Variants in SLC25A21 observed in about 807,000 individuals in gnomAD.
The protein encoded by SLC25A21 is solute carrier family 25 member 21.
In SLC25A21, 47 loss-of-function variants were observed where a neutral mutation model predicts 43.8. The observed-to-expected ratio is 1.07, with a 90% CI of 0.85 to 1.37. The LOEUF is 1.37. SLC25A21 is among the 40% of genes most tolerant of loss of function. The pLI, the probability that SLC25A21 is intolerant of heterozygous loss-of-function variation, is 0.00. For missense variants in SLC25A21, 352 were observed against 350.2 expected, an observed-to-expected ratio of 1.00 and a Z score of -0.04; for synonymous variants, 131 against 121.3, an observed-to-expected ratio of 1.08 and a Z score of -0.52.
intron 1 of SLC25A21, among the ~76,000 whole-genome samples, chr14:37,119,762 GA>G (rs1159426334): frequency 1.3e-5 from 2 of 152,004 alleles, no homozygotes; most frequent in East Asian, 3.9e-4. Context: ...GTCTGGATGG[GA>G]ACCCCTTTCT....
intron 1 of SLC25A21, among the ~76,000 whole-genome samples, chr14:37,049,243 A>G (rs1961654233): frequency 6.6e-6 from 1 of 152,208 alleles, no homozygotes; most frequent in Admixed American, 6.5e-5. Context: ...CACCAAAAAC[A>G]TAAAATAAAA....
chr14:37,112,805 G>A (rs1963042350), intron 1 of SLC25A21, among the ~76,000 whole-genome samples: 1 of 152,138 alleles, frequency 6.6e-6, no homozygotes, highest in Non-Finnish European at 1.5e-5. Context: ...AAAAACAGAA[G>A]TAACATGAAT....
At chr14:37,047,931 T>C (rs1167469458) in intron 1 of SLC25A21, among the ~76,000 whole-genome samples, 1 of 152,188 alleles carries the variant, frequency 6.6e-6, no homozygotes, top group Non-Finnish European at 1.5e-5. Flanking sequence ...ATACCACTCA[T>C]AAAAGGAATC....
chr14:36,692,539 C>G (rs577323476), intron 7 of SLC25A21, among the ~76,000 whole-genome samples: 2 of 152,312 alleles, frequency 1.3e-5, no homozygotes, highest in South Asian at 4.1e-4. Context: ...CACCTGGCTT[C>G]GTTAGCTGGC....
intron 2 of SLC25A21, among the ~76,000 whole-genome samples, chr14:36,816,671 T>A (rs1419927970): frequency 6.6e-6 from 1 of 151,954 alleles, no homozygotes; most frequent in African/African-American, 2.4e-5. Flanking sequence ...AGCTAATTTT[T>A]AAAATTTTTT....
intron 1 of SLC25A21, among the ~76,000 whole-genome samples, chr14:37,095,087 TTAAAA>T (rs1175465949): frequency 6.6e-6 from 1 of 152,222 alleles, no homozygotes; most frequent in Non-Finnish European, 1.5e-5. Flanking sequence ...TTTTTATCAA[TTAAAA>T]TAAATAAATA....
intron 1 of SLC25A21, among the ~76,000 whole-genome samples, chr14:36,951,567 T>C (rs1210558256): frequency 1.3e-5 from 2 of 152,116 alleles, no homozygotes; most frequent in Non-Finnish European, 2.9e-5. Context: ...AAAGTCCTTA[T>C]GTCTAAATAT....
chr14:36,971,448 G>C (rs1268364100), intron 1 of SLC25A21, among the ~76,000 whole-genome samples: 5 of 152,104 alleles, frequency 3.3e-5, no homozygotes, highest in Admixed American at 1.3e-4. Context: ...CAAGTAGAAA[G>C]CCCATTTGCA....
intron 1 of SLC25A21, among the ~76,000 whole-genome samples, chr14:37,007,147 C>G (rs545565393): frequency 1.3e-5 from 2 of 152,198 alleles, no homozygotes; most frequent in South Asian, 4.1e-4. Flanking sequence ...TACAAATGAT[C>G]TGTTACAGAG....
At chr14:36,898,320 G>C (rs1490180308) in intron 1 of SLC25A21, among the ~76,000 whole-genome samples, 1 of 152,206 alleles carries the variant, frequency 6.6e-6, no homozygotes, top group Non-Finnish European at 1.5e-5. Context: ...TGTGGGCGTA[G>C]GACCCTCCGA....
chr14:36,812,849 C>A (rs1469714523), intron 3 of SLC25A21, among the ~76,000 whole-genome samples: 1 of 152,120 alleles, frequency 6.6e-6, no homozygotes, highest in Non-Finnish European at 1.5e-5. Flanking sequence ...GTGAAACTTA[C>A]TAACTTCTCT....
chr14:36,748,859 C>A (rs1885598692), intron 3 of SLC25A21, among the ~76,000 whole-genome samples: 1 of 152,188 alleles, frequency 6.6e-6, no homozygotes, highest in African/African-American at 2.4e-5. Flanking sequence ...CAGATTCTCC[C>A]TCCACAGACT....
intron 1 of SLC25A21, among the ~76,000 whole-genome samples, chr14:37,129,923 T>A (rs1963363828): frequency 6.6e-6 from 1 of 152,106 alleles, no homozygotes; most frequent in South Asian, 2.1e-4. Context: ...ATTATTTGAA[T>A]AATTTTTCTC....
At chr14:37,049,499 G>C (rs1353760516) in intron 1 of SLC25A21, among the ~76,000 whole-genome samples, 1 of 152,162 alleles carries the variant, frequency 6.6e-6, no homozygotes, top group East Asian at 1.9e-4. Context: ...TTGAGCCCAG[G>C]GGGTCGAGGC....
chr14:36,813,194 C>T (rs542303574), intron 3 of SLC25A21, among the ~76,000 whole-genome samples: 1 of 152,238 alleles, frequency 6.6e-6, no homozygotes, highest in Non-Finnish European at 1.5e-5. Flanking sequence ...AGGTATTTCT[C>T]CTAATGCTAT....
intron 1 of SLC25A21, among the ~76,000 whole-genome samples, chr14:37,023,238 G>T (rs1322590451): frequency 1.3e-5 from 2 of 151,958 alleles, no homozygotes; most frequent in Non-Finnish European, 2.9e-5. Flanking sequence ...TGTTCCCAAA[G>T]TCAGTCTTTT....
chr14:37,115,248 C>T lies in SLC25A21; in HGVS notation c.70+57033G>A, dbSNP rs115806662. Reference sequence around the variant, plus strand: ...GACCAGGCCCAGGAGGGCAGCACCGCCAAGGTCCCACTGAAGTTTGCCAAG... The same window carrying T: ...GACCAGGCCCAGGAGGGCAGCACCGTCAAGGTCCCACTGAAGTTTGCCAAG... On this transcript the variant is annotated intron_variant, in intron 1 of 9. Coordinates refer to ENST00000331299, the MANE Select transcript of SLC25A21 (RefSeq NM_030631.4). 6.1e-3 allele frequency among the ~76,000 whole-genome samples: 926 copies of T among 152,216 alleles called. 11 individuals carry two copies. Among genetic ancestry groups the T allele is most frequent in the African/African-American group, 0.022 (897 of 41,564 alleles).
intron 7 of SLC25A21, among the ~76,000 whole-genome samples, chr14:36,691,550 G>T (rs557298586): frequency 6.6e-6 from 1 of 152,276 alleles, no homozygotes; most frequent in Admixed American, 6.5e-5. Flanking sequence ...AATTGCAAGG[G>T]CAAGCAACTG....
chr14:37,083,614 TGA>T (rs1323649110), intron 1 of SLC25A21, among the ~76,000 whole-genome samples: 1 of 152,152 alleles, frequency 6.6e-6, no homozygotes, highest in Non-Finnish European at 1.5e-5. Context: ...GAAATTTAAA[TGA>T]AGTCTGTCTA....
Sources: gnomAD v4.1 joint callset for allele counts (sites outside exome capture counted in the v4.1 genomes callset) on GRCh38, gnomAD v4.1.1 for gene constraint, MANE v1.5 for transcripts, NCBI Gene and HGNC (gene_info 2026-07-23, HGNC 2026-07-21) for gene names.